The following DNAH17 variants were observed in gnomAD, a reference collection of about 807,000 sequenced individuals.
DNAH17 encodes the protein dynein axonemal heavy chain 17.
In DNAH17, 376 loss-of-function variants were observed where a neutral mutation model predicts 485.6. That is an observed-to-expected ratio of 0.77 (90% CI 0.71 to 0.84). DNAH17 has a LOEUF of 0.84. DNAH17 is among the 40% of genes least tolerant of loss of function. The pLI is 0.00. For missense variants in DNAH17, 6,370 were observed against 5,839.3 expected, an observed-to-expected ratio of 1.09 and a Z score of -2.96; for synonymous variants, 3,031 against 2,405.9, an observed-to-expected ratio of 1.26 and a Z score of -7.60.
intron 2 of DNAH17, 101 bp from the exon 3 acceptor site, chr17:78,572,995 G>A: frequency 1.8e-6 from 2 of 1,088,378 alleles, no homozygotes; most frequent in Non-Finnish European, 2.6e-6. Flanking sequence ...CCGGTGTCTG[G>A]AGCCCTGGGA....
At chr17:78,500,514 C>A in intron 35 of DNAH17, 53 bp from the exon 36 acceptor site, 8 of 1,490,514 alleles carry the variant, frequency 5.4e-6, no homozygotes, top group Non-Finnish European at 6.3e-6. Flanking sequence ...GGCCTCCCTG[C>A]TTTTATTTTT....
At chr17:78,486,910 C>A (rs1447596366) in intron 44 of DNAH17, among the ~76,000 whole-genome samples, 1 of 150,958 alleles carries the variant, frequency 6.6e-6, no homozygotes, top group Admixed American at 6.6e-5. Context: ...AAAGGAGAGA[C>A]AAGGATAGGA....
At chr17:78,525,227 G>A (rs560327885) in intron 24 of DNAH17, 66 bp from the exon 25 acceptor site, 12 of 1,564,166 alleles carry the variant, frequency 7.7e-6, no homozygotes, top group South Asian at 2.3e-5. Context: ...CCCACTCCCC[G>A]ACGTTCTGCC....
rs55669221 is a variant in DNAH17, at chr17:78,544,800, CAAAAAAA to C, written c.2392-810_2392-804del. 2.3e-4 allele frequency among the ~76,000 whole-genome samples: 11 copies of C among 46,878 alleles called. No homozygotes were observed. In the East Asian group the frequency reaches 3.7e-3, roughly 16 times the overall value. The allele number at this position is 46,878 out of a possible 152,430, so 30.8% of individuals were successfully genotyped here. On this transcript the variant is annotated intron_variant, in intron 16 of 80. Coordinates refer to ENST00000389840, the MANE Select transcript of DNAH17 (RefSeq NM_173628.4). ...TGGGGCACAGAGCGAGACTCAGTCT[CAAAAAAA>C]AAAAAAAAAAAAAAAAAGGTGGGGG...
chr17:78,462,707 G>T, intron 57 of DNAH17, 137 bp downstream of exon 57: 1 of 775,088 alleles, frequency 1.3e-6, no homozygotes, highest in Non-Finnish European at 2.1e-6. Flanking sequence ...CTTCTCAAAG[G>T]CAGGAAGCGT....
chr17:78,576,788 C>T (rs1460747580), intron 1 of DNAH17, among the ~76,000 whole-genome samples: 1 of 152,232 alleles, frequency 6.6e-6, no homozygotes. Context: ...GGTGGGCTGC[C>T]TCCCAAGCCA....
Position 78,569,355 on chromosome 17 carries a change from G to A in DNAH17, c.1197+20C>T, listed in dbSNP as rs575275579. 42 of 1,611,818 alleles carry A rather than the reference G, an allele frequency of 2.6e-5. No homozygotes were observed. The highest frequency in any genetic ancestry group is 1.3e-4 in the East Asian group (6 of 44,810). On this transcript the variant is annotated intron_variant, in intron 8 of 80. Transcript: ENST00000389840. ...ACTCACTCGTCCTGCCTTGGCCCTC[G>A]CCCTGCGAGGAAGGGGTACCTTAAA...
Position 78,458,661 on chromosome 17 carries a change from C to T in DNAH17, c.9881G>A (p.Ser3294Asn). The T allele has an allele frequency of 6.2e-7, 1 of 1,614,036 alleles. No homozygotes were observed. The highest frequency in any genetic ancestry group is 8.5e-7 in the Non-Finnish European group (1 of 1,179,898). ...TTTTTCAAACGCTGAGGTTAGGTTG[C>T]TCAGGTTGGCGTTAAGTTCCTGCAA... is the stretch of plus-strand genomic sequence containing the variant. ...NKIAELNANL[S>N]NLTSAFEKAT... The change falls in exon 62 of 81, where the codon AGC becomes AAC. Residue 3294 changes from serine to asparagine, a missense_variant. Coordinates refer to ENST00000389840, the MANE Select transcript of DNAH17 (RefSeq NM_173628.4).
intron 74 of DNAH17, 78 bp from the exon 75 acceptor site, chr17:78,434,298 TCCAGCCCTTG>T: frequency 7.2e-7 from 1 of 1,394,164 alleles, no homozygotes; most frequent in South Asian, 1.3e-5. Flanking sequence ...GTGACCAGCG[TCCAGCCCTTG>T]CCAGATGCTT....
chr17:78,473,795 T>TTTA (rs1482890618), intron 54 of DNAH17, among the ~76,000 whole-genome samples: 1 of 152,058 alleles, frequency 6.6e-6, no homozygotes, highest in African/African-American at 2.4e-5. Context: ...CGTGATTTAG[T>TTTA]TAATAGACTA....
At chr17:78,434,937 T>TG (rs1265331685) in intron 74 of DNAH17, among the ~76,000 whole-genome samples, 1 of 152,106 alleles carries the variant, frequency 6.6e-6, no homozygotes, top group Non-Finnish European at 1.5e-5. Context: ...AGGATCCCGC[T>TG]GGGGAGGGAC....
At chr17:78,452,959 C>T (rs2087618422) in intron 65 of DNAH17, among the ~76,000 whole-genome samples, 1 of 114,406 alleles carries the variant, frequency 8.7e-6, no homozygotes, top group Admixed American at 9.9e-5. Context: ...GTTTGTACAA[C>T]ATCGTGAGTG....
Position 78,571,288 on chromosome 17 carries a change from C to T in DNAH17, c.823G>A (p.Val275Ile), listed in dbSNP as rs2092353899. The change falls in exon 5 of 81, where the codon GTC (valine) becomes ATC (isoleucine). Residue 275 changes from valine (V) to isoleucine (I), a missense_variant. By Grantham distance (29) the Val-to-Ile change is conservative. Coordinates refer to ENST00000389840, the MANE Select transcript of DNAH17 (RefSeq NM_173628.4). ...WPALQNVYTN[V>I]TEGLKEANDI... ...AGGGTCACAGGCTCACCTTCAGTGA[C>T]GTTGGTGTAAACGTTTTGCAGGGCT... The T allele has an allele frequency of 1.1e-5, 18 of 1,612,916 alleles. No individual in the cohort carries two copies. The highest frequency in any genetic ancestry group is 8.9e-5 in the East Asian group (4 of 44,900).
chr17:78,466,257 C>A lies in DNAH17; in HGVS notation c.8940+398G>T, dbSNP rs542463413. Among the ~76,000 whole-genome samples, 35 of 152,154 alleles carry A rather than the reference C, an allele frequency of 2.3e-4. No homozygotes were observed. The East Asian group carries it at 5.6e-3, about 24-fold the overall frequency. On this transcript the variant is annotated intron_variant, in intron 56 of 80. Coordinates refer to ENST00000389840, the MANE Select transcript of DNAH17 (RefSeq NM_173628.4). ...GCATGCTCGTTAAGAGTCATCACCA[C>A]TCCCTAATCTCAAGTACCCAGGGAC...
chr17:78,527,018 G>A (rs1320281458), intron 22 of DNAH17, 22 bp from the exon 23 acceptor site: 8 of 1,522,816 alleles, frequency 5.3e-6, no homozygotes, highest in South Asian at 3.6e-5. Flanking sequence ...AAAGGCAGAG[G>A]AGGGCTCCTT....
intron 30 of DNAH17, among the ~76,000 whole-genome samples, 175 bp downstream of exon 30, chr17:78,506,545 C>T (rs760933340): frequency 4.6e-5 from 7 of 152,182 alleles, no homozygotes; most frequent in African/African-American, 1.2e-4. Flanking sequence ...AGTCCTGCCA[C>T]GTTTCTGCCA....
At chr17:78,522,560 A>G in intron 25 of DNAH17, 1 of 293,616 alleles carries the variant, frequency 3.4e-6, no homozygotes, top group Non-Finnish European at 6.7e-6. Flanking sequence ...CCCATGTTGG[A>G]GCTGAAGCCC....
At chr17:78,441,645 T>C (rs953749692) in intron 71 of DNAH17, among the ~76,000 whole-genome samples, 1 of 152,118 alleles carries the variant, frequency 6.6e-6, no homozygotes, top group Non-Finnish European at 1.5e-5. Context: ...CCCCAATAAG[T>C]CTGGGGTCAG....
At chr17:78,554,468 A>AAAAAAAAAAAAAAAC (rs2091977226) in intron 14 of DNAH17, among the ~76,000 whole-genome samples, 1 of 119,588 alleles carries the variant, frequency 8.4e-6, no homozygotes, top group African/African-American at 3.4e-5. Context: ...AAAAAAAAAA[A>AAAAAAAAAAAAAAAC]AAAGGATAGG....
Sources: gnomAD v4.1 joint callset for allele counts (sites outside exome capture counted in the v4.1 genomes callset) on GRCh38, gnomAD v4.1.1 for gene constraint, MANE v1.5 for transcripts, NCBI Gene and HGNC (gene_info 2026-07-23, HGNC 2026-07-21) for gene names.